Variants in ZBTB40 observed in about 807,000 individuals in gnomAD.
ZBTB40 encodes the protein zinc finger and BTB domain containing 40.
A neutral mutation model predicts 117.5 loss-of-function variants in ZBTB40; 60 were observed. The observed-to-expected ratio is 0.51, with a 90% CI of 0.41 to 0.63. The LOEUF is 0.63. Among genes scored for constraint, ZBTB40 ranks in the 30% least tolerant of loss-of-function variants. The pLI is 0.00. For missense variants in ZBTB40, 1,287 were observed against 1,498.5 expected (o/e 0.86, Z 2.33); for synonymous variants, 525 against 577.1 (o/e 0.91, Z 1.29).
rs1462664403 is a variant in ZBTB40 at position 22,491,055 on chromosome 1, C to A, written c.698-345C>A. 5.9e-5 allele frequency among the ~76,000 whole-genome samples: 9 copies of A among 152,174 alleles called. No homozygotes were observed. The East Asian group carries it at 7.7e-4, about 13-fold the overall frequency. On this transcript the variant is annotated intron_variant, in intron 2 of 17. Coordinates refer to ENST00000375647, the MANE Select transcript of ZBTB40 (RefSeq NM_014870.4). The stretch of plus-strand genomic sequence containing the variant: ...GGATTACAGGCATGTGCCACCACGC[C>A]CAGCTAATTTTTTGTATTTTTAGTG...
chr1:22,512,177 G>A, intron 11 of ZBTB40, 43 bp downstream of exon 11: 1 of 1,608,200 alleles, frequency 6.2e-7, no homozygotes, highest in East Asian at 2.2e-5. Context: ...ATAATTGTGG[G>A]TTTTATAGCT....
chr1:22,490,905 T>G (rs1638611973), intron 2 of ZBTB40, among the ~76,000 whole-genome samples: 1 of 152,200 alleles, frequency 6.6e-6, no homozygotes, highest in Non-Finnish European at 1.5e-5. Flanking sequence ...TTTTGTTTTG[T>G]TTTCTCTCGA....
At chr1:22,455,509 A>G (rs1426282919) in intron 1 of ZBTB40, among the ~76,000 whole-genome samples, 1 of 152,348 alleles carries the variant, frequency 6.6e-6, no homozygotes, top group Non-Finnish European at 1.5e-5. Context: ...CGGAGCAAAG[A>G]ACTGGACAGA....
At chr1:22,492,828 T>A (rs1638669877) in intron 3 of ZBTB40, among the ~76,000 whole-genome samples, 1 of 152,270 alleles carries the variant, frequency 6.6e-6, no homozygotes, top group Admixed American at 6.5e-5. Flanking sequence ...CTGATTATGC[T>A]GAAGGACATT....
chr1:22,508,789 C>CT, intron 8 of ZBTB40, 58 bp downstream of exon 8: 1 of 1,548,250 alleles, frequency 6.5e-7, no homozygotes, highest in Non-Finnish European at 8.8e-7. Flanking sequence ...TGTCAGTCTT[C>CT]CTAGAAAATA....
At chr1:22,494,528 C>G (rs796771495) in intron 3 of ZBTB40, among the ~76,000 whole-genome samples, 37 of 152,220 alleles carry the variant, frequency 2.4e-4, no homozygotes, top group African/African-American at 8.9e-4. Flanking sequence ...TTAACAGGCT[C>G]CCCCATGGGT....
chr1:22,442,928 T>C (rs1346236871), intron 1 of ZBTB40, among the ~76,000 whole-genome samples: 1 of 152,166 alleles, frequency 6.6e-6, no homozygotes, highest in Non-Finnish European at 1.5e-5. Context: ...AGTGGGTGCA[T>C]AAATATTTAT....
intron 1 of ZBTB40, among the ~76,000 whole-genome samples, chr1:22,471,446 T>C (rs957879235): frequency 1.3e-5 from 2 of 152,252 alleles, no homozygotes; most frequent in Non-Finnish European, 2.9e-5. Flanking sequence ...CTCAAACTTA[T>C]TAGCTGTGTG....
In ZBTB40 at chr1:22,491,394, A is replaced by G. The variant is rs1376365077; in HGVS notation, c.698-6A>G. ...TCTGATTTGTTTTATTTTGTTCTAC[A>G]TTTAGGATGTGAAAGGAAACACTAC... On this transcript the variant is annotated splice_polypyrimidine_tract_variant and splice_region_variant and intron_variant, in intron 2 of 17. Transcript: ENST00000375647. The G allele has an allele frequency of 5.0e-6, 8 of 1,613,712 alleles. No homozygotes were observed. Among genetic ancestry groups the G allele is most frequent in the Non-Finnish European group, 6.8e-6 (8 of 1,179,812 alleles).
At chr1:22,519,113 G>A (rs894336478) in intron 13 of ZBTB40, among the ~76,000 whole-genome samples, 3 of 152,168 alleles carry the variant, frequency 2.0e-5, no homozygotes, top group Non-Finnish European at 2.9e-5. Context: ...ATGTCCACAG[G>A]GAAACTAGTT....
At chr1:22,477,112 T>G (rs1181943378) in intron 1 of ZBTB40, among the ~76,000 whole-genome samples, 1 of 152,190 alleles carries the variant, frequency 6.6e-6, no homozygotes, top group Admixed American at 6.5e-5. Context: ...AGCCCCCAAA[T>G]CACTAGTGTA....
intron 1 of ZBTB40, among the ~76,000 whole-genome samples, chr1:22,488,007 G>A (rs552610396): frequency 1.5e-4 from 23 of 152,204 alleles, no homozygotes; most frequent in African/African-American, 5.1e-4. Flanking sequence ...TCATGCAGGC[G>A]TCCCTGCCAG....
chr1:22,511,930 G>A lies in ZBTB40; in HGVS notation c.2257G>A (p.Val753Met), dbSNP rs1304993424. The A allele has an allele frequency of 1.2e-6, 2 of 1,614,200 alleles. No individual in the cohort carries two copies. The highest frequency in any genetic ancestry group is 1.7e-5 in the Admixed American group (1 of 60,032). ...CTTCCATTTCTACTGCCGCCTAAAG[G>A]TGCACATGAAGCGCTGCCGGGTGGC... is the stretch of plus-strand genomic sequence containing the variant. The part of the protein sequence containing the change: ...KSFHFYCRLK[V>M]HMKRCRVAKS... Residue 753 changes from valine (V) to methionine (M), a missense_variant, in exon 11 of 18, where the codon GTG becomes ATG. Around this residue, in one of 2 missense-constraint regions of ZBTB40, gnomAD observed 870 missense variants for 934.4 expected, o/e 0.93. Coordinates refer to ENST00000375647, the MANE Select transcript of ZBTB40 (RefSeq NM_014870.4).
At chr1:22,431,789 C>T (rs1640594815) in intron 1 of ZBTB40, among the ~76,000 whole-genome samples, 1 of 150,592 alleles carries the variant, frequency 6.6e-6, no homozygotes, top group Non-Finnish European at 1.5e-5. Context: ...TGTATGGATG[C>T]TTTGCTGTCT....
At chr1:22,457,416 A>G (rs16827161) in intron 1 of ZBTB40, among the ~76,000 whole-genome samples, 4,077 of 152,328 alleles carry the variant, frequency 0.027, 196 homozygotes, top group African/African-American at 0.091. Flanking sequence ...CTGGGACCTC[A>G]ATAGAAAACT....
chr1:22,443,553 A>C (rs1245236621), intron 1 of ZBTB40, among the ~76,000 whole-genome samples: 6 of 152,206 alleles, frequency 3.9e-5, no homozygotes, highest in Non-Finnish European at 8.8e-5. Flanking sequence ...TATGCACATG[A>C]ACCCCCTAAG....
upstream of ZBTB40, among the ~76,000 whole-genome samples, chr1:22,447,275 T>C (rs748848052): frequency 6.6e-6 from 1 of 152,070 alleles, no homozygotes; most frequent in Non-Finnish European, 1.5e-5. Flanking sequence ...CTGCAGAACA[T>C]TGTAAAGGAT....
In ZBTB40 at chr1:22,507,629, C is replaced by T. The variant is rs891303265; in HGVS notation, c.1361-372C>T. Among the ~76,000 whole-genome samples, 3 of 152,198 alleles carry T rather than the reference C, an allele frequency of 2.0e-5. No homozygotes were observed. In the South Asian group the frequency reaches 6.2e-4, roughly 32 times the overall value. On this transcript the variant is annotated intron_variant, in intron 6 of 17. Coordinates refer to ENST00000375647, the MANE Select transcript of ZBTB40 (RefSeq NM_014870.4). Reference sequence around the variant, plus strand: ...CAGCTTCACACGCACAGCCTTGATTCGTGCTCGTCTTTAGGATCGCCACAC... The same window carrying T: ...CAGCTTCACACGCACAGCCTTGATTTGTGCTCGTCTTTAGGATCGCCACAC...
In ZBTB40 at chr1:22,513,515, A is replaced by G. The variant is rs781472448; in HGVS notation, c.2668+385A>G. ...GGAGATTGAGACCATCCTGGCTAACATGGTGAAACCCCATCTGTACTAAAA... is the reference window on the plus strand; with the variant it reads ...GGAGATTGAGACCATCCTGGCTAACGTGGTGAAACCCCATCTGTACTAAAA... On this transcript the variant is annotated intron_variant, in intron 12 of 17. Coordinates refer to ENST00000375647, the MANE Select transcript of ZBTB40 (RefSeq NM_014870.4). This position sits in a 1 kb window ranked among gnomAD's most constrained non-coding sequence, Gnocchi z 4.9. Among the ~76,000 whole-genome samples, 40 of 151,582 alleles carry G rather than the reference A, an allele frequency of 2.6e-4. No homozygotes were observed. Among genetic ancestry groups the G allele is most frequent in the Non-Finnish European group, 4.7e-4 (32 of 67,918 alleles).
Sources: allele counts gnomAD v4.1 joint callset (sites outside exome capture counted in the v4.1 genomes callset), GRCh38; gene constraint gnomAD v4.1.1; regional missense constraint gnomAD v4.1.1; non-coding constraint Gnocchi (gnomAD v3.1); transcripts MANE v1.5; gene names NCBI Gene and HGNC (gene_info 2026-07-23, HGNC 2026-07-21).